The following CASD1 variants were observed in gnomAD, a reference collection of about 807,000 sequenced individuals.
CASD1 encodes the protein CAS1 domain sialic acid O acetyltransferase 1, also known as N-acetylneuraminate (7)9-O-acetyltransferase.
In CASD1, 41 loss-of-function variants were observed where a neutral mutation model predicts 100.0. The observed-to-expected ratio is 0.41, with a 90% confidence interval of 0.32 to 0.53. The LOEUF is 0.53. Ranked by LOEUF, CASD1 falls within the 20% of genes least tolerant of loss-of-function variation. CASD1 has a pLI of 0.25. For missense variants in CASD1, 774 were observed against 948.7 expected (o/e 0.82, Z 2.42); for synonymous variants, 321 against 315.6 (o/e 1.02, Z -0.18).
the CASD1 span, among the ~76,000 whole-genome samples, chr7:94,583,988 C>CG: frequency 6.6e-6 from 1 of 152,086 alleles, no homozygotes; most frequent in Non-Finnish European, 1.5e-5. Context: ...CACTTTTTCA[C>CG]GGGGAACTGC....
chr7:94,609,201 TTAAAACA>T, the CASD1 span, among the ~76,000 whole-genome samples: 5 of 152,274 alleles, frequency 3.3e-5, no homozygotes, highest in African/African-American at 1.2e-4. Flanking sequence ...CAAAAAACAC[TTAAAACA>T]TAAAACAACA....
At chr7:94,536,569 T>C (rs1289519501) in intron 8 of CASD1, among the ~76,000 whole-genome samples, 1 of 152,194 alleles carries the variant, frequency 6.6e-6, no homozygotes, top group Non-Finnish European at 1.5e-5. Flanking sequence ...AAGGGCTTGA[T>C]GAACCCCCTA....
rs1265180055 is a variant in CASD1 at position 94,518,330 on chromosome 7, C to T, written c.351+7C>T. 15 of 1,565,722 alleles carry T rather than the reference C, an allele frequency of 9.6e-6. No homozygotes were observed. The highest frequency in any genetic ancestry group is 1.3e-5 in the Non-Finnish European group (15 of 1,154,032). On this transcript the variant is annotated splice_region_variant and intron_variant, in intron 3 of 17. Coordinates refer to ENST00000297273, the MANE Select transcript of CASD1 (RefSeq NM_022900.5). ...CAAAGAAGAAGGAAATAAGGTAAAACTTGTCTATTCCCTTCTGTAGAGTGT... is the reference window on the plus strand; with the variant it reads ...CAAAGAAGAAGGAAATAAGGTAAAATTTGTCTATTCCCTTCTGTAGAGTGT...
chr7:94,604,837 ATATATATATATATATATATAT>A, the CASD1 span, among the ~76,000 whole-genome samples: 1 of 69,674 alleles, frequency 1.4e-5, no homozygotes, highest in Non-Finnish European at 3.1e-5. Flanking sequence ...ATATATATAT[ATATATATATATATATATATAT>A]AATAGTTGTT....
At chr7:94,549,297 A>G (rs1427682946) in intron 13 of CASD1, among the ~76,000 whole-genome samples, 1 of 151,948 alleles carries the variant, frequency 6.6e-6, no homozygotes, top group African/African-American at 2.4e-5. Context: ...AAGTTTACCA[A>G]GTTTTAAGTC....
chr7:94,598,965 T>C, the CASD1 span: 8 of 1,611,964 alleles, frequency 5.0e-6, no homozygotes, highest in Non-Finnish European at 5.9e-6. Context: ...AGTTGGATGC[T>C]AGGTCAAAAA....
chr7:94,509,949 G>A lies in CASD1; in HGVS notation c.-136G>A, dbSNP rs1339684535. Reference sequence around the variant, plus strand: ...CCGCGGCCGCGGGGTCAGGTTCCCCGGCGGGAGGCGCAGGTGGCGGCCTGG... The same window carrying A: ...CCGCGGCCGCGGGGTCAGGTTCCCCAGCGGGAGGCGCAGGTGGCGGCCTGG... On this transcript the variant is annotated 5_prime_UTR_variant, in exon 1 of 18. Transcript: ENST00000297273. 8.4e-6 allele frequency: 10 copies of A among 1,190,208 alleles called. No individual in the cohort carries two copies. The highest frequency in any genetic ancestry group is 3.7e-5 in the East Asian group (1 of 26,844). 73.7% of individuals were successfully genotyped at this position (1,190,208 alleles called of 1,614,324 possible).
chr7:94,603,570 TGAGGTAGGGGCCTC>T, the CASD1 span: 1 of 898,954 alleles, frequency 1.1e-6, no homozygotes, highest in Middle Eastern at 3.3e-4. Context: ...GACTCATCCC[TGAGGTAGGGGCCTC>T]GGCTCTAAAA....
chr7:94,553,048 T>A (rs775044760), intron 16 of CASD1: 1 of 304,092 alleles, frequency 3.3e-6, no homozygotes, highest in Non-Finnish European at 6.4e-6. Context: ...TACATTCTTT[T>A]TAGCGTTGTA....
At chr7:94,623,913 A>G in the CASD1 span, 6 of 363,778 alleles carry the variant, frequency 1.6e-5, no homozygotes, top group Non-Finnish European at 2.9e-5. Context: ...TTACGATGGG[A>G]GTAAAGTAGT....
chr7:94,510,564 AG>A (rs1262155312), intron 1 of CASD1, among the ~76,000 whole-genome samples: 4 of 152,188 alleles, frequency 2.6e-5, no homozygotes, highest in African/African-American at 4.8e-5. Context: ...GCTCGCGTGC[AG>A]GAAGTCGGAC....
the CASD1 span, among the ~76,000 whole-genome samples, chr7:94,586,209 G>A: frequency 6.6e-6 from 1 of 151,892 alleles, no homozygotes; most frequent in Non-Finnish European, 1.5e-5. Context: ...AAACTGACAT[G>A]TGCATAATGT....
the CASD1 span, among the ~76,000 whole-genome samples, chr7:94,606,533 A>G: frequency 1.3e-5 from 2 of 152,230 alleles, no homozygotes; most frequent in East Asian, 3.8e-4. Flanking sequence ...TTATAGCTGG[A>G]CATTTCAACA....
chr7:94,580,731 G>A, the CASD1 span, among the ~76,000 whole-genome samples: 1 of 152,216 alleles, frequency 6.6e-6, no homozygotes, highest in Non-Finnish European at 1.5e-5. Flanking sequence ...ATTTCACAAT[G>A]CACATAGTGT....
the CASD1 span, among the ~76,000 whole-genome samples, chr7:94,603,745 C>CA: frequency 6.6e-6 from 1 of 152,142 alleles, no homozygotes; most frequent in South Asian, 2.1e-4. Context: ...TATAAACATG[C>CA]ATCATATTCT....
the CASD1 span, among the ~76,000 whole-genome samples, chr7:94,584,059 C>G: frequency 2.6e-5 from 4 of 152,166 alleles, no homozygotes; most frequent in African/African-American, 4.8e-5. Context: ...TCTCCCCATT[C>G]AATACCTCAA....
the CASD1 span, among the ~76,000 whole-genome samples, chr7:94,575,440 T>G: frequency 2.6e-5 from 4 of 152,194 alleles, no homozygotes; most frequent in African/African-American, 9.7e-5. Flanking sequence ...TTGTTTTGCA[T>G]TTGCTGAGGA....
At chr7:94,603,079 A>T in the CASD1 span, among the ~76,000 whole-genome samples, 2 of 152,136 alleles carry the variant, frequency 1.3e-5, no homozygotes, top group South Asian at 4.1e-4. Flanking sequence ...CCAGCAATTA[A>T]TCAAGGATAG....
intron 1 of CASD1, 59 bp downstream of exon 1, chr7:94,510,276 T>A: frequency 1.6e-6 from 2 of 1,265,944 alleles, no homozygotes; most frequent in Non-Finnish European, 2.1e-6. Flanking sequence ...ACGCGGCGGC[T>A]GGAGGCCGCC....
Sources: gnomAD v4.1 joint callset for allele counts (sites outside exome capture counted in the v4.1 genomes callset) on GRCh38, gnomAD v4.1.1 for gene constraint, MANE v1.5 for transcripts, NCBI Gene and HGNC (gene_info 2026-07-23, HGNC 2026-07-21) for gene names.